Variants in XKR9 observed in about 807,000 individuals in gnomAD.
XKR9 encodes the protein XK-related protein 9.
XKR9 carries 32 observed loss-of-function variants against 32.0 expected under a neutral mutation model. The observed-to-expected ratio is 1.00, with a 90% confidence interval of 0.76 to 1.34. The LOEUF (loss-of-function observed/expected upper bound fraction) is 1.34. Among genes scored for constraint, XKR9 ranks in the 40% most tolerant of loss-of-function variants. XKR9 has a pLI of 0.00. For missense variants in XKR9, 546 were observed against 429.7 expected (o/e 1.27, Z -2.39); for synonymous variants, 168 against 143.4 (o/e 1.17, Z -1.22).
At chr8:70,689,041 AAC>A (rs1819416793) in intron 3 of XKR9, among the ~76,000 whole-genome samples, 1 of 152,182 alleles carries the variant, frequency 6.6e-6, no homozygotes, top group African/African-American at 2.4e-5. Context: ...CAAAAATCCC[AAC>A]ACACAGAACA....
At chr8:71,018,558 G>A in the XKR9 span, among the ~76,000 whole-genome samples, 1 of 152,170 alleles carries the variant, frequency 6.6e-6, no homozygotes, top group Non-Finnish European at 1.5e-5. Context: ...CCGAGTAGTA[G>A]AAAATGAGTT....
In XKR9 at chr8:70,755,142, A is replaced by G. The variant is rs142228779; in HGVS notation, n.353-34197A>G. On this transcript the variant is annotated intron_variant and non_coding_transcript_variant, in intron 2 of 3. Transcript: ENST00000520273. Reference sequence around the variant, plus strand: ...TCAAAAGAAGACATTTATGCAACCAAAAGACACATGAAAAAATGCTCGTCA... The same window carrying G: ...TCAAAAGAAGACATTTATGCAACCAGAAGACACATGAAAAAATGCTCGTCA... Among the ~76,000 whole-genome samples, 798 of 152,388 alleles carry G rather than the reference A, an allele frequency of 5.2e-3. 8 individuals are homozygous for G. Among genetic ancestry groups the G allele is most frequent in the African/African-American group, 0.018 (767 of 41,596 alleles).
chr8:70,969,261 A>C, the XKR9 span, among the ~76,000 whole-genome samples: 1 of 152,220 alleles, frequency 6.6e-6, no homozygotes, highest in Non-Finnish European at 1.5e-5. Flanking sequence ...TATATCCTTA[A>C]AATTTTTTTT....
chr8:70,906,740 T>C, the XKR9 span, among the ~76,000 whole-genome samples: 1 of 152,208 alleles, frequency 6.6e-6, no homozygotes, highest in East Asian at 1.9e-4. Context: ...ACAGAGAGAA[T>C]AAATGTGTTC....
downstream of XKR9, among the ~76,000 whole-genome samples, chr8:70,793,162 C>T (rs532517352): frequency 1.3e-5 from 2 of 152,138 alleles, no homozygotes; most frequent in East Asian, 3.9e-4. Context: ...TTAGCCTTCT[C>T]TTGCCATTTA....
chr8:70,757,123 T>C (rs556995005), intron 2 of XKR9, among the ~76,000 whole-genome samples: 3 of 152,322 alleles, frequency 2.0e-5, no homozygotes, highest in Admixed American at 2.0e-4. Flanking sequence ...GTTTTTTAGC[T>C]TACTTATATG....
the XKR9 span, among the ~76,000 whole-genome samples, chr8:70,803,280 T>A: frequency 6.6e-6 from 1 of 152,230 alleles, no homozygotes; most frequent in Non-Finnish European, 1.5e-5. Context: ...AAGAGAATTT[T>A]TTTAGCTCAG....
the XKR9 span, among the ~76,000 whole-genome samples, chr8:70,938,121 C>A: frequency 6.6e-6 from 1 of 151,674 alleles, no homozygotes; most frequent in African/African-American, 2.4e-5. Context: ...TTATTTTGGG[C>A]CAAAAATTTT....
the XKR9 span, among the ~76,000 whole-genome samples, chr8:70,940,915 T>C: frequency 2.6e-5 from 4 of 152,158 alleles, no homozygotes; most frequent in African/African-American, 9.7e-5. Context: ...TTCTCTCTGC[T>C]TCTGTAGCAC....
intron 1 of XKR9, among the ~76,000 whole-genome samples, chr8:70,672,252 G>T (rs561057191): frequency 1.3e-5 from 1 of 79,292 alleles, no homozygotes; most frequent in African/African-American, 3.8e-5. Context: ...AAAAGAGCCC[G>T]CATTGCCAAG....
chr8:70,757,583 G>GTATA (rs1161495915), intron 2 of XKR9, among the ~76,000 whole-genome samples: 2 of 128,976 alleles, frequency 1.6e-5, no homozygotes, highest in African/African-American at 5.2e-5. Flanking sequence ...ATGTATGTAT[G>GTATA]TATGCATGTA....
At chr8:70,886,295 G>C in the XKR9 span, among the ~76,000 whole-genome samples, 1 of 152,272 alleles carries the variant, frequency 6.6e-6, no homozygotes, top group East Asian at 1.9e-4. Context: ...TGTCATTGAT[G>C]GGCATTTGGG....
downstream of XKR9, among the ~76,000 whole-genome samples, chr8:70,738,648 C>G (rs555213031): frequency 1.3e-5 from 2 of 151,690 alleles, no homozygotes; most frequent in African/African-American, 2.4e-5. Flanking sequence ...TGAATGTGTC[C>G]CAGAGATTCT....
intron 2 of XKR9, among the ~76,000 whole-genome samples, chr8:70,759,568 A>T (rs1009968595): frequency 6.6e-6 from 1 of 152,184 alleles, no homozygotes; most frequent in Non-Finnish European, 1.5e-5. Context: ...AGGTATGGTT[A>T]TGACATCTTG....
chr8:71,002,716 A>G, the XKR9 span, among the ~76,000 whole-genome samples: 1 of 152,220 alleles, frequency 6.6e-6, no homozygotes, highest in Non-Finnish European at 1.5e-5. Flanking sequence ...GAAGTGAATG[A>G]TGATCACCTA....
chr8:71,046,407 C>T, the XKR9 span, among the ~76,000 whole-genome samples: 30 of 152,176 alleles, frequency 2.0e-4, no homozygotes, highest in Non-Finnish European at 7.3e-5. Context: ...CACTTCAGCT[C>T]TGTGTGGCCA....
the XKR9 span, among the ~76,000 whole-genome samples, chr8:70,983,614 C>A: frequency 6.6e-6 from 1 of 152,002 alleles, no homozygotes; most frequent in Non-Finnish European, 1.5e-5. Flanking sequence ...AACCTCGTCT[C>A]TACTAAAAAT....
intron 2 of XKR9, among the ~76,000 whole-genome samples, chr8:70,762,080 A>AT: frequency 6.6e-6 from 1 of 152,214 alleles, no homozygotes; most frequent in African/African-American, 2.4e-5. Flanking sequence ...TACCAGTACC[A>AT]TGCTGTTTTG....
At chr8:70,808,054 C>T in the XKR9 span, among the ~76,000 whole-genome samples, 1 of 152,076 alleles carries the variant, frequency 6.6e-6, no homozygotes, top group African/African-American at 2.4e-5. Context: ...CCTCTAAAAT[C>T]ATAAGCAACA....
Sources: gnomAD v4.1 joint callset for allele counts (sites outside exome capture counted in the v4.1 genomes callset) on GRCh38, gnomAD v4.1.1 for gene constraint, MANE v1.5 for transcripts, NCBI Gene and HGNC (gene_info 2026-07-23, HGNC 2026-07-21) for gene names.